The following MRE11 variants were observed in gnomAD, a reference collection of about 807,000 sequenced individuals.
MRE11 encodes MRE11 double strand break repair nuclease, also known as double-strand break repair protein MRE11.
In MRE11, 62 loss-of-function variants were observed where a neutral mutation model predicts 91.7. That is an observed-to-expected ratio of 0.68 (90% confidence interval 0.55 to 0.84). The LOEUF (loss-of-function observed/expected upper bound fraction) is 0.84. Ranked by LOEUF, MRE11 falls within the 40% of genes least tolerant of loss-of-function variation. The pLI, the probability that MRE11 is intolerant of heterozygous loss-of-function variation, is 0.00. For synonymous variants in MRE11, 273 were observed against 271.4 expected (o/e 1.01, Z -0.06); for missense variants, 796 against 852.9 (o/e 0.93, Z 0.83).
upstream of MRE11, among the ~76,000 whole-genome samples, chr11:94,495,115 A>C (rs1947393834): frequency 6.6e-6 from 1 of 152,320 alleles, no homozygotes; most frequent in Admixed American, 6.5e-5. Context: ...CAGAAAAGTT[A>C]CTGGACATGA....
In MRE11 at chr11:94,481,454, C is replaced by T. The variant is rs75522327; in HGVS notation, c.315-1693G>A. On this transcript the variant is annotated intron_variant, in intron 4 of 19. Coordinates refer to ENST00000323929, the MANE Select transcript of MRE11 (RefSeq NM_005591.4). The stretch of plus-strand genomic sequence containing the variant: ...TTCAACCTTAATTTGCAATTGGTTG[C>T]AAATATTCTTCCTGATTGAACTGTG... Among the ~76,000 whole-genome samples the T allele has an allele frequency of 4.7e-4, 72 of 152,262 alleles. No individual in the cohort carries two copies. In the East Asian group the frequency reaches 0.014, roughly 29 times the overall value.
upstream of MRE11, chr11:94,497,693 A>G (rs910274593): frequency 5.5e-6 from 1 of 183,380 alleles, no homozygotes; most frequent in African/African-American, 2.4e-5. Flanking sequence ...TTGGTGTGAT[A>G]ATCCTACAGA....
chr11:94,484,070 G>A (rs766420294), intron 4 of MRE11, among the ~76,000 whole-genome samples: 54 of 151,974 alleles, frequency 3.6e-4, no homozygotes, highest in Admixed American at 5.9e-4. Flanking sequence ...AGACAAGAAA[G>A]ACAAAGTAAA....
At chr11:94,436,301 A>T (rs1281109736) in intron 17 of MRE11, among the ~76,000 whole-genome samples, 1 of 152,194 alleles carries the variant, frequency 6.6e-6, no homozygotes, top group African/African-American at 2.4e-5. Context: ...CTTTCTGTTA[A>T]ATCTGTCCCT....
upstream of MRE11, chr11:94,497,508 G>A (rs1947432002): frequency 6.3e-6 from 1 of 158,004 alleles, no homozygotes; most frequent in Admixed American, 6.4e-5. Context: ...TTTAACCCAA[G>A]AGCATGCCAC....
rs13447592 is a variant in MRE11 at position 94,490,272 on chromosome 11, A to G, written c.153+561T>C. Reference sequence around the variant, plus strand: ...CCCCTAACATACCTTATACTGTCTCACGGGTTTCCTCACTCCTGCTTCACA... The same window carrying G: ...CCCCTAACATACCTTATACTGTCTCGCGGGTTTCCTCACTCCTGCTTCACA... On this transcript the variant is annotated intron_variant, in intron 3 of 19. Transcript: ENST00000323929. Among the ~76,000 whole-genome samples, 875 of 152,170 alleles carry G rather than the reference A, an allele frequency of 5.8e-3. 12 individuals carry two copies. The highest frequency in any genetic ancestry group is 0.02 in the African/African-American group (841 of 41,484).
chr11:94,504,715 T>C, the MRE11 span, among the ~76,000 whole-genome samples: 3 of 152,236 alleles, frequency 2.0e-5, no homozygotes, highest in Non-Finnish European at 2.9e-5. Flanking sequence ...ACTGAGATGA[T>C]TTCTTGAGAC....
Position 94,470,475 on chromosome 11 carries a change from T to A in MRE11, c.1013A>T (p.Glu338Val). 1 of 1,612,678 alleles carries A rather than the reference T, an allele frequency of 6.2e-7. No individual in the cohort carries two copies. Among genetic ancestry groups the A allele is most frequent in the Non-Finnish European group, 8.5e-7 (1 of 1,178,986 alleles). ...VTQAIQSFCLEKIEEMLENAE... is the reference protein window; with the variant it reads ...VTQAIQSFCLVKIEEMLENAE... ...GACTTTATCAAAAAGAATTACCTTC[T>A]CCAAACAGAAGCTTTGTATGGCTTG... is the stretch of plus-strand genomic sequence containing the variant. The change falls in exon 9 of 20, where the codon GAG becomes GTG. Residue 338 changes from glutamate to valine, a missense_variant. Transcript: ENST00000323929.
the MRE11 span, among the ~76,000 whole-genome samples, chr11:94,511,370 T>G: frequency 1.2e-4 from 18 of 152,344 alleles, no homozygotes; most frequent in East Asian, 2.7e-3. Context: ...CCTGAAGAAC[T>G]GTGAGCCAAC....
chr11:94,510,168 AGTT>A, the MRE11 span, among the ~76,000 whole-genome samples: 112 of 152,174 alleles, frequency 7.4e-4, no homozygotes, highest in African/African-American at 2.6e-3. Context: ...TATTTTTAGT[AGTT>A]ATATTTTTAT....
chr11:94,453,022 C>G (rs1347487018), intron 14 of MRE11, among the ~76,000 whole-genome samples: 1 of 152,140 alleles, frequency 6.6e-6, no homozygotes, highest in East Asian at 1.9e-4. Context: ...ACTATTCTAC[C>G]TTCTGTTTCT....
In MRE11 at chr11:94,416,725, G is replaced by A. The variant is rs1945037831; in HGVS notation, c.*3400C>T. On this transcript the variant is annotated 3_prime_UTR_variant, in exon 20 of 20. Transcript: ENST00000323929. ...AAAAAAAAATTAGCCAGGCGTGGTG[G>A]TGGGCGCCTGTAGTCCCAGCTACTT... 1 of 150,830 alleles carries A rather than the reference G, an allele frequency of 6.6e-6. No homozygotes were observed. The highest frequency in any genetic ancestry group is 6.6e-5 in the Admixed American group (1 of 15,160). The allele number at this position is 150,830 out of a possible 1,614,324, so 9.3% of individuals were successfully genotyped here.
rs190872414 is a variant in MRE11 at position 94,443,083 on chromosome 11, T to C, written c.1867+2727A>G. Among the ~76,000 whole-genome samples the C allele has an allele frequency of 2.6e-3, 401 of 152,356 alleles. 3 individuals carry two copies. The highest frequency in any genetic ancestry group is 9.3e-3 in the African/African-American group (388 of 41,592). ...GAGTCATTTAATCAACCTGATTTTG[T>C]ATCTTTTCTTCAATGTCAGCTGTCA... On this transcript the variant is annotated intron_variant, in intron 16 of 19. Transcript: ENST00000323929.
chr11:94,483,418 C>A (rs1054463988), intron 4 of MRE11, among the ~76,000 whole-genome samples: 1 of 152,086 alleles, frequency 6.6e-6, no homozygotes, highest in Non-Finnish European at 1.5e-5. Context: ...GGAGGGGCCT[C>A]GTGGGAGATA....
At chr11:94,509,541 C>T in the MRE11 span, among the ~76,000 whole-genome samples, 1 of 152,056 alleles carries the variant, frequency 6.6e-6, no homozygotes, top group Admixed American at 6.6e-5. Context: ...CTCCCGGGTT[C>T]AAGTGATTCT....
At chr11:94,439,169 T>C (rs1033269178) in intron 16 of MRE11, among the ~76,000 whole-genome samples, 1 of 152,188 alleles carries the variant, frequency 6.6e-6, no homozygotes. Flanking sequence ...TATTTATCTC[T>C]TCACTCCTCC....
At chr11:94,450,641 C>T (rs7119572) in intron 14 of MRE11, among the ~76,000 whole-genome samples, 2,612 of 152,100 alleles carry the variant, frequency 0.017, 88 homozygotes, top group African/African-American at 0.06. Context: ...TAAAACAAAA[C>T]GAAAGTTGCA....
At chr11:94,510,146 T>C in the MRE11 span, among the ~76,000 whole-genome samples, 1 of 152,172 alleles carries the variant, frequency 6.6e-6, no homozygotes, top group Non-Finnish European at 1.5e-5. Flanking sequence ...TGTGTTTTAA[T>C]TTTAAATTCC....
intron 10 of MRE11, 30 bp from the exon 11 acceptor site, chr11:94,464,269 A>G (rs1373777421): frequency 1.2e-6 from 2 of 1,613,486 alleles, no homozygotes; most frequent in South Asian, 2.2e-5. Context: ...TATGAACGCT[A>G]GGAAACAACA....
Sources: gnomAD v4.1 joint callset for allele counts (sites outside exome capture counted in the v4.1 genomes callset) on GRCh38, gnomAD v4.1.1 for gene constraint, MANE v1.5 for transcripts, NCBI Gene and HGNC (gene_info 2026-07-23, HGNC 2026-07-21) for gene names.